The following CCDC171 variants were observed in gnomAD, a reference collection of about 807,000 sequenced individuals.
CCDC171 encodes coiled-coil domain-containing protein 171.
A neutral mutation model predicts 168.2 loss-of-function variants in CCDC171; 177 were observed. The ratio of observed to expected loss-of-function variants is 1.05; its 90% CI spans 0.93 to 1.19. The LOEUF (loss-of-function observed/expected upper bound fraction) is 1.19. Among genes scored for constraint, CCDC171 ranks in the 50% most tolerant of loss-of-function variants. The pLI is 0.00. For missense variants in CCDC171, 1,991 were observed against 1,539.0 expected (o/e 1.29, Z -4.91); for synonymous variants, 687 against 540.8 (o/e 1.27, Z -3.75).
intron 20 of CCDC171, among the ~76,000 whole-genome samples, chr9:15,783,612 A>T (rs2057781259): frequency 6.6e-6 from 1 of 152,068 alleles, no homozygotes; most frequent in African/African-American, 2.4e-5. Context: ...TCTTTTTTAT[A>T]CTTCACGATG....
intron 16 of CCDC171, among the ~76,000 whole-genome samples, chr9:15,741,367 G>A (rs1044335275): frequency 2.6e-5 from 4 of 152,138 alleles, no homozygotes; most frequent in African/African-American, 9.7e-5. Context: ...TGTATATTTT[G>A]TATAAATGGA....
chr9:15,555,896 G>A (rs201703209), intron 1 of CCDC171, among the ~76,000 whole-genome samples: 32 of 135,862 alleles, frequency 2.4e-4, no homozygotes, highest in Non-Finnish European at 5.2e-4. Context: ...AAGTATTCTC[G>A]TTGTTCAATT....
At chr9:15,719,441 A>AGG (rs1408807693) in intron 11 of CCDC171, among the ~76,000 whole-genome samples, 5 of 30,446 alleles carry the variant, frequency 1.6e-4, no homozygotes, top group East Asian at 1.6e-3. Context: ...AGAGAGAGAG[A>AGG]GAGAGAAAGT....
At chr9:15,915,314 T>C (rs2131904386) in intron 24 of CCDC171, among the ~76,000 whole-genome samples, 1 of 152,264 alleles carries the variant, frequency 6.6e-6, no homozygotes, top group Non-Finnish European at 1.5e-5. Context: ...ATCAGTGTTT[T>C]GTAGTTCTAC....
intron 24 of CCDC171, among the ~76,000 whole-genome samples, chr9:15,893,370 A>G (rs1042545974): frequency 2.6e-5 from 4 of 152,330 alleles, no homozygotes; most frequent in South Asian, 4.1e-4. Context: ...GGACGTAGGC[A>G]TGGGTACAGA....
At chr9:15,944,483 G>A (rs1427111644) in intron 25 of CCDC171, among the ~76,000 whole-genome samples, 1 of 151,994 alleles carries the variant, frequency 6.6e-6, no homozygotes, top group Non-Finnish European at 1.5e-5. Context: ...GACATTGTCA[G>A]GGCCTTAAAT....
In CCDC171 at chr9:15,965,922, A is replaced by G. The variant is rs554468401; in HGVS notation, c.3754-5687A>G. ...AATCTTTGCTAAATCTAATTGCGAC[A>G]TAATCTGTATATGTGTGAAATAACA... On this transcript the variant is annotated intron_variant, in intron 25 of 25. Transcript: ENST00000380701. Among the ~76,000 whole-genome samples, 160 of 152,342 alleles carry G rather than the reference A, an allele frequency of 1.1e-3. 2 individuals carry two copies. The South Asian group carries it at 0.032, about 30-fold the overall frequency.
intron 3 of CCDC171, among the ~76,000 whole-genome samples, chr9:15,987,103 A>G (rs774414503): frequency 5.9e-5 from 9 of 152,176 alleles, no homozygotes; most frequent in South Asian, 2.1e-4. Flanking sequence ...AAGACTCCAC[A>G]CCTAAAATCT....
the CCDC171 span, among the ~76,000 whole-genome samples, chr9:16,080,539 C>A: frequency 6.6e-6 from 1 of 152,130 alleles, no homozygotes; most frequent in East Asian, 1.9e-4. Flanking sequence ...CCAAGACGAG[C>A]ACTATTAAAT....
intron 3 of CCDC171, among the ~76,000 whole-genome samples, chr9:16,019,363 C>T (rs1320124552): frequency 6.6e-6 from 1 of 152,146 alleles, no homozygotes; most frequent in Non-Finnish European, 1.5e-5. Flanking sequence ...TGTATGACCT[C>T]TGTTAGTGGA....
intron 6 of CCDC171, among the ~76,000 whole-genome samples, chr9:15,617,115 T>G (rs1382808114): frequency 1.3e-5 from 2 of 152,182 alleles, no homozygotes; most frequent in Admixed American, 1.3e-4. Context: ...GTTCTTAGCT[T>G]CTTTGCATTG....
intron 21 of CCDC171, among the ~76,000 whole-genome samples, chr9:15,791,065 G>C (rs893591159): frequency 2.6e-5 from 4 of 152,166 alleles, no homozygotes; most frequent in Non-Finnish European, 4.4e-5. Flanking sequence ...GCTTAGGATT[G>C]TCTTGGCGAT....
At chr9:15,652,448 G>A (rs927429443) in intron 7 of CCDC171, among the ~76,000 whole-genome samples, 7 of 150,076 alleles carry the variant, frequency 4.7e-5, no homozygotes, top group Non-Finnish European at 8.9e-5. Context: ...GATTATTGTA[G>A]CTTTTTTTTT....
At chr9:16,008,485 C>T (rs1051562632) in intron 3 of CCDC171, among the ~76,000 whole-genome samples, 15 of 152,184 alleles carry the variant, frequency 9.9e-5, no homozygotes, top group African/African-American at 2.4e-4. Context: ...ACCTTTCATG[C>T]GTCCAGAAAT....
chr9:15,696,746 G>A (rs996705337), intron 11 of CCDC171, among the ~76,000 whole-genome samples: 3 of 152,198 alleles, frequency 2.0e-5, no homozygotes, highest in African/African-American at 7.2e-5. Flanking sequence ...AAGTAAAATA[G>A]TTGGTAACAA....
chr9:15,904,481 T>C (rs1034128203), intron 24 of CCDC171, among the ~76,000 whole-genome samples: 10 of 151,510 alleles, frequency 6.6e-5, no homozygotes, highest in African/African-American at 1.7e-4. Flanking sequence ...CTGAGAGATT[T>C]TGTCACCACC....
chr9:15,954,237 T>C (rs907125208), intron 25 of CCDC171, among the ~76,000 whole-genome samples: 1 of 151,946 alleles, frequency 6.6e-6, no homozygotes, highest in African/African-American at 2.4e-5. Flanking sequence ...TTTAGCTTTT[T>C]ATTTTCTAGT....
intron 5 of CCDC171, among the ~76,000 whole-genome samples, chr9:15,592,161 A>G (rs543985994): frequency 5.9e-5 from 9 of 151,708 alleles, no homozygotes; most frequent in African/African-American, 2.2e-4. Context: ...TAAATGAAAA[A>G]AAAAAAAAAT....
intron 3 of CCDC171, among the ~76,000 whole-genome samples, chr9:16,011,094 A>C (rs1405065374): frequency 6.6e-6 from 1 of 152,198 alleles, no homozygotes; most frequent in Non-Finnish European, 1.5e-5. Flanking sequence ...AGCCTCTTTA[A>C]TGGCTCATGG....
Sources: gnomAD v4.1 joint callset for allele counts (sites outside exome capture counted in the v4.1 genomes callset) on GRCh38, gnomAD v4.1.1 for gene constraint, MANE v1.5 for transcripts, NCBI Gene and HGNC (gene_info 2026-07-23, HGNC 2026-07-21) for gene names.